ZNF813: variants seen among roughly 807,000 people sequenced by gnomAD.
ZNF813 encodes the protein zinc finger protein 813.
Under a neutral mutation model 7.2 loss-of-function variants are expected in ZNF813, and 3 were observed. That is an observed-to-expected ratio of 0.42 (90% confidence interval 0.19 to 1.08). The LOEUF is 1.08. ZNF813 is among the 50% of genes least tolerant of loss of function. The probability of loss-of-function intolerance (pLI) is 0.30; values close to 1 mark genes in which losing one functional copy is unlikely to be tolerated. For synonymous variants in ZNF813, 227 were observed against 256.3 expected, an observed-to-expected ratio of 0.89 and a Z score of 1.09; for missense variants, 714 against 753.3, an observed-to-expected ratio of 0.95 and a Z score of 0.61.
intron 1 of ZNF813, among the ~76,000 whole-genome samples, chr19:53,483,206 G>T (rs150227063): frequency 6.6e-6 from 1 of 151,288 alleles, no homozygotes; most frequent in Non-Finnish European, 1.5e-5. Context: ...CACCGTGCCC[G>T]GCTCAATTTT....
chr19:53,483,608 T>C (rs1237348690), intron 1 of ZNF813, 142 bp from the exon 2 acceptor site: 14 of 824,112 alleles, frequency 1.7e-5, no homozygotes, highest in Non-Finnish European at 2.3e-5. Context: ...AGTTTTCCTG[T>C]AGGAGTTTAT....
Position 53,470,971 on chromosome 19 carries a change from A to G in ZNF813, c.-74+3182A>G, listed in dbSNP as rs183808667. 3.8e-3 allele frequency among the ~76,000 whole-genome samples: 575 copies of G among 152,300 alleles called. 8 individuals are homozygous for G. Among genetic ancestry groups the G allele is most frequent in the African/African-American group, 0.013 (527 of 41,572 alleles). On this transcript the variant is annotated intron_variant, in intron 1 of 3. Coordinates refer to ENST00000396403, the MANE Select transcript of ZNF813 (RefSeq NM_001004301.4). ...TTGCAACTTTATGATGCGGTTAAGC[A>G]TGTAAATTGGGGTGCGGTACCTTTA...
chr19:53,474,306 G>C (rs2903021), intron 1 of ZNF813, among the ~76,000 whole-genome samples: 49,609 of 152,150 alleles, frequency 0.33, 8,809 homozygotes, highest in East Asian at 0.42. Context: ...TGGGGGCCAA[G>C]TGGGCCCCCA....
At chr19:53,481,651 C>A (rs2086409114) in intron 1 of ZNF813, among the ~76,000 whole-genome samples, 1 of 152,082 alleles carries the variant, frequency 6.6e-6, no homozygotes, top group Non-Finnish European at 1.5e-5. Context: ...ACCTGGCCAC[C>A]CATGTATTCT....
At chr19:53,483,538 T>TC (rs1399283124) in intron 1 of ZNF813, among the ~76,000 whole-genome samples, 1 of 152,122 alleles carries the variant, frequency 6.6e-6, no homozygotes, top group African/African-American at 2.4e-5. Flanking sequence ...GGGGAGCTCA[T>TC]CCCACCCCAG....
intron 2 of ZNF813, among the ~76,000 whole-genome samples, 168 bp from the exon 3 acceptor site, chr19:53,486,464 A>G (rs1568832320): frequency 6.6e-6 from 1 of 151,134 alleles, no homozygotes; most frequent in East Asian, 1.9e-4. Flanking sequence ...AAAAAAGCAT[A>G]ATAAAACACA....
At chr19:53,478,063 T>C (rs1250555308) in intron 1 of ZNF813, among the ~76,000 whole-genome samples, 2 of 152,178 alleles carry the variant, frequency 1.3e-5, no homozygotes, top group Non-Finnish European at 2.9e-5. Context: ...AGTGACTTAT[T>C]CAGTTGTGAA....
intron 3 of ZNF813, among the ~76,000 whole-genome samples, chr19:53,489,430 T>C (rs1391629694): frequency 6.6e-6 from 1 of 151,888 alleles, no homozygotes; most frequent in Non-Finnish European, 1.5e-5. Context: ...GGTGAAACCC[T>C]CTATCTACTA....
chr19:53,490,886 TG>T lies in ZNF813; in HGVS notation c.655del (p.Glu219ArgfsTer12). ...TGAGAGAAAAGTCTTTCCAATGTAA[TG>T]AGAGTGGCAAAGCCTTTAATTATAG... ...HMREKSFQCN[E>X]SGKAFNYSSL... is the part of the protein sequence containing the mutation. On this transcript the variant is annotated frameshift_variant, in exon 4 of 4. Coordinates refer to ENST00000396403, the MANE Select transcript of ZNF813 (RefSeq NM_001004301.4). LOFTEE classifies it low-confidence loss of function (END_TRUNC). The T allele has an allele frequency of 3.1e-6, 5 of 1,614,194 alleles. No homozygotes were observed. The highest frequency in any genetic ancestry group is 4.2e-6 in the Non-Finnish European group (5 of 1,180,030).
chr19:53,474,411 G>A (rs1418172185), intron 1 of ZNF813, among the ~76,000 whole-genome samples: 4 of 151,862 alleles, frequency 2.6e-5, no homozygotes, highest in Admixed American at 2.0e-4. Context: ...TTTCGTGGCC[G>A]GGCGCGGTGG....
chr19:53,481,574 C>G (rs1268422478), intron 1 of ZNF813, among the ~76,000 whole-genome samples: 1 of 151,982 alleles, frequency 6.6e-6, no homozygotes. Flanking sequence ...GTCTCAAACT[C>G]CTGACCTCAG....
In ZNF813 at chr19:53,491,952, A is replaced by T; in HGVS notation, c.1720A>T (p.Thr574Ser). ...CCTTGCACGTCACCATAGACTTCAT[A>T]CTGGAGAGAAACCTTACAAGTGTAA... The part of the protein sequence containing the change: ...AHLARHHRLH[T>S]GEKPYKCNEC... The change falls in exon 4 of 4, where the codon ACT becomes TCT. Residue 574 changes from threonine (T) to serine (S), a missense_variant. Transcript: ENST00000396403. The T allele has an allele frequency of 6.2e-7, 1 of 1,611,656 alleles. No individual in the cohort carries two copies. Among genetic ancestry groups the T allele is most frequent in the Non-Finnish European group, 8.5e-7 (1 of 1,178,664 alleles).
intron 3 of ZNF813, among the ~76,000 whole-genome samples, chr19:53,488,881 G>A (rs990680647): frequency 1.3e-5 from 2 of 152,122 alleles, no homozygotes; most frequent in Non-Finnish European, 2.9e-5. Context: ...TCTGCAGGTT[G>A]TATAAATGTA....
rs1444426926 is a variant in ZNF813 at position 53,490,635 on chromosome 19, C to T, written c.403C>T (p.Pro135Ser). ...TGATCAAAGGCATGCTGGAAACAAG[C>T]CTATTAAAGATCAGCTTGGATCAAG... ...RYDQRHAGNK[P>S]IKDQLGSSFH... is the part of the protein sequence containing the mutation. The change falls in exon 4 of 4, where the codon CCT becomes TCT. Residue 135 changes from proline (P) to serine (S), a missense_variant. This residue lies in a region of ZNF813 where 563 missense variants were observed against 554.2 expected (regional missense o/e 1.02). Transcript: ENST00000396403. 1 of 1,614,182 alleles carries T rather than the reference C, an allele frequency of 6.2e-7. No homozygotes were observed. The highest frequency in any genetic ancestry group is 8.5e-7 in the Non-Finnish European group (1 of 1,180,038).
chr19:53,493,501 A>G lies in ZNF813; in HGVS notation c.*1415A>G, dbSNP rs1378373279. 2.0e-5 allele frequency: 3 copies of G among 151,766 alleles called. No homozygotes were observed. Among genetic ancestry groups the G allele is most frequent in the African/African-American group, 7.4e-5 (3 of 40,780 alleles). The allele number at this position is 151,766 out of a possible 1,614,324, so 9.4% of individuals were successfully genotyped here. ...TTTTCTTTTAAAATTGTTTATTGTTACAAACTTCTCATCTTTTTGCTTTTA... is the reference window on the plus strand; with the variant it reads ...TTTTCTTTTAAAATTGTTTATTGTTGCAAACTTCTCATCTTTTTGCTTTTA... On this transcript the variant is annotated 3_prime_UTR_variant, in exon 4 of 4. Coordinates refer to ENST00000396403, the MANE Select transcript of ZNF813 (RefSeq NM_001004301.4).
chr19:53,479,337 C>T, intron 1 of ZNF813: 2 of 1,589,988 alleles, frequency 1.3e-6, no homozygotes. Flanking sequence ...TGAGCAGTAG[C>T]TGGGTGGGCA....
intron 1 of ZNF813, among the ~76,000 whole-genome samples, chr19:53,478,199 G>T (rs2086390731): frequency 6.6e-6 from 1 of 152,054 alleles, no homozygotes; most frequent in South Asian, 2.1e-4. Context: ...TTGGGACAGG[G>T]CCTGGCTCTA....
intron 1 of ZNF813, among the ~76,000 whole-genome samples, chr19:53,471,997 T>G (rs185473533): frequency 7.9e-5 from 12 of 152,052 alleles, no homozygotes; most frequent in African/African-American, 2.9e-4. Flanking sequence ...AGCAAACAGG[T>G]TTTTAGCTAA....
intron 1 of ZNF813, among the ~76,000 whole-genome samples, chr19:53,470,259 T>C (rs1242581400): frequency 6.6e-6 from 1 of 152,212 alleles, no homozygotes. Flanking sequence ...AACAGCGTTA[T>C]GTTATAACTG....
Sources: gnomAD v4.1 joint callset for allele counts (sites outside exome capture counted in the v4.1 genomes callset) on GRCh38, gnomAD v4.1.1 for gene constraint, gnomAD v4.1.1 regional missense constraint, MANE v1.5 for transcripts, NCBI Gene and HGNC (gene_info 2026-07-23, HGNC 2026-07-21) for gene names.